Variants in BUB1B observed in about 807,000 individuals in gnomAD.
BUB1B encodes the protein mitotic checkpoint serine/threonine-protein kinase BUB1 beta.
BUB1B carries 86 observed loss-of-function variants against 137.7 expected under a neutral mutation model. The observed-to-expected ratio is 0.62, with a 90% CI of 0.52 to 0.75. The LOEUF (loss-of-function observed/expected upper bound fraction) is 0.75, where lower values mean the gene tolerates loss of function less well. BUB1B is among the 30% of genes least tolerant of loss of function. The probability of loss-of-function intolerance (pLI) is 0.00; values close to 1 mark genes in which losing one functional copy is unlikely to be tolerated. For missense variants in BUB1B, 1,130 were observed against 1,236.9 expected (o/e 0.91, Z 1.30); for synonymous variants, 420 against 417.9 (o/e 1.00, Z -0.06).
At chr15:40,180,656 T>C (rs2037279610) in intron 5 of BUB1B, among the ~76,000 whole-genome samples, 2 of 133,684 alleles carry the variant, frequency 1.5e-5, no homozygotes, top group Non-Finnish European at 3.2e-5. Flanking sequence ...TTTTTTTTTT[T>C]TTTTTTTTTT....
chr15:40,204,710 C>T (rs2037615509), intron 14 of BUB1B, among the ~76,000 whole-genome samples: 1 of 151,904 alleles, frequency 6.6e-6, no homozygotes, highest in Non-Finnish European at 1.5e-5. Flanking sequence ...GATCTCAGCT[C>T]ACTGCAGCCT....
intron 4 of BUB1B, among the ~76,000 whole-genome samples, chr15:40,176,066 A>G (rs1275462837): frequency 6.6e-6 from 1 of 152,128 alleles, no homozygotes; most frequent in Non-Finnish European, 1.5e-5. Flanking sequence ...CTCCTGCCCC[A>G]GCCTCCTGGG....
rs148432235 is a variant in BUB1B at position 40,213,221 on chromosome 15, G to A, written c.2536-111G>A. Reference sequence around the variant, plus strand: ...AGACTCAGTCTACAGAGGTGCCTACGTTCCAGTAGAGAACAAGGAAGACTA... The same window carrying A: ...AGACTCAGTCTACAGAGGTGCCTACATTCCAGTAGAGAACAAGGAAGACTA... On this transcript the variant is annotated intron_variant, in intron 19 of 22. Coordinates refer to ENST00000287598, the MANE Select transcript of BUB1B (RefSeq NM_001211.6). The A allele has an allele frequency of 1.5e-4, 180 of 1,189,160 alleles. No homozygotes were observed. In the East Asian group the frequency reaches 3.8e-3, roughly 25 times the overall value. The allele number at this position is 1,189,160 out of a possible 1,614,324, so 73.7% of individuals were successfully genotyped here.
At chr15:40,211,600 A>C (rs943863170) in intron 18 of BUB1B, among the ~76,000 whole-genome samples, 46 of 152,190 alleles carry the variant, frequency 3.0e-4, no homozygotes, top group African/African-American at 1.1e-3. Context: ...AGGGAGGTGC[A>C]TCTTAACTGC....
At chr15:40,205,847 G>T (rs1297859038) in intron 14 of BUB1B, among the ~76,000 whole-genome samples, 2 of 152,162 alleles carry the variant, frequency 1.3e-5, no homozygotes, top group East Asian at 3.8e-4. Context: ...CATAGAGGAA[G>T]AAGACCTAAA....
intron 20 of BUB1B, among the ~76,000 whole-genome samples, chr15:40,214,086 T>G (rs547198420): frequency 1.3e-5 from 2 of 152,348 alleles, no homozygotes; most frequent in South Asian, 4.1e-4. Context: ...TAGTCATTCT[T>G]TGAGTGGGAC....
intron 20 of BUB1B, among the ~76,000 whole-genome samples, chr15:40,216,505 T>TTA (rs2037785188): frequency 6.8e-6 from 1 of 147,974 alleles, no homozygotes; most frequent in South Asian, 2.1e-4. Context: ...TATGTATATT[T>TTA]TATATATATC....
At chr15:40,209,825 AG>A in intron 17 of BUB1B, 50 bp downstream of exon 17, 3 of 1,606,188 alleles carry the variant, frequency 1.9e-6, no homozygotes, top group Non-Finnish European at 1.7e-6. Flanking sequence ...TATACAAATA[AG>A]TGATTATTTG....
At chr15:40,208,183 AATT>A (rs2037661294) in intron 15 of BUB1B, among the ~76,000 whole-genome samples, 1 of 152,040 alleles carries the variant, frequency 6.6e-6, no homozygotes, top group Non-Finnish European at 1.5e-5. Context: ...ACAAATTATA[AATT>A]ATTTAAACCT....
chr15:40,208,796 A>C (rs1446473035), intron 16 of BUB1B, 26 bp downstream of exon 16: 1 of 1,587,618 alleles, frequency 6.3e-7, no homozygotes, highest in Non-Finnish European at 8.6e-7. Flanking sequence ...CACTATATCC[A>C]TGCCTAGTGA....
chr15:40,208,854 A>C lies in BUB1B; in HGVS notation c.2143+84A>C, dbSNP rs1034160147. ...TGAGCTGTATGTTTTTCTTTTTTTGAGACAGGGTCTCACTCTGTCACCCAG... is the reference window on the plus strand; with the variant it reads ...TGAGCTGTATGTTTTTCTTTTTTTGCGACAGGGTCTCACTCTGTCACCCAG... On this transcript the variant is annotated intron_variant, in intron 16 of 22. Coordinates refer to ENST00000287598, the MANE Select transcript of BUB1B (RefSeq NM_001211.6). The C allele has an allele frequency of 6.5e-5, 91 of 1,405,532 alleles. 1 individual carries two copies. The highest frequency in any genetic ancestry group is 8.7e-5 in the Non-Finnish European group (87 of 1,005,404). The allele number at this position is 1,405,532 out of a possible 1,614,324, so 87.1% of individuals were successfully genotyped here.
Position 40,210,199 on chromosome 15 carries a change from A to G in BUB1B, c.2374A>G (p.Thr792Ala). 9.4e-6 allele frequency: 15 copies of G among 1,599,770 alleles called. No homozygotes were observed. The highest frequency in any genetic ancestry group is 1.2e-5 in the Non-Finnish European group (14 of 1,167,188). Reference sequence around the variant, plus strand: ...GGCGCCAAGAAACTCTGCAGAATTAACAGTAATAAAGGTGGGACTGATTCT... The same window carrying G: ...GGCGCCAAGAAACTCTGCAGAATTAGCAGTAATAAAGGTGGGACTGATTCT... ...WVAPRNSAEL[T>A]VIKVSSQPVP... Residue 792 changes from threonine (T) to alanine (A), a missense_variant, in exon 18 of 23, where the codon ACA becomes GCA. Coordinates refer to ENST00000287598, the MANE Select transcript of BUB1B (RefSeq NM_001211.6).
At chr15:40,215,352 A>G (rs1426085019) in intron 20 of BUB1B, among the ~76,000 whole-genome samples, 2 of 152,054 alleles carry the variant, frequency 1.3e-5, no homozygotes. Flanking sequence ...CATGCCTGTA[A>G]TCCCAGCTAC....
chr15:40,198,437 C>T (rs191445834), intron 9 of BUB1B, among the ~76,000 whole-genome samples: 1 of 152,210 alleles, frequency 6.6e-6, no homozygotes, highest in African/African-American at 2.4e-5. Context: ...AAATTCCCAT[C>T]TGTGTATAAG....
At position 40,220,863 on chromosome 15, in the gene BUB1B, C is replaced by T. The variant is rs2037895456; in HGVS notation, c.*104C>T. 5 of 1,211,578 alleles carry T rather than the reference C, an allele frequency of 4.1e-6. No individual in the cohort carries two copies. The highest frequency in any genetic ancestry group is 6.1e-6 in the Non-Finnish European group (5 of 823,648). 75.1% of individuals were successfully genotyped at this position (1,211,578 alleles called of 1,614,324 possible). On this transcript the variant is annotated 3_prime_UTR_variant, in exon 23 of 23. Coordinates refer to ENST00000287598, the MANE Select transcript of BUB1B (RefSeq NM_001211.6). ...ATTTAATTTAGGACACATTTAGATG[C>T]ACTACCATTGCTGTTCTACTTTTTG...
chr15:40,180,642 C>CTTTTTTTTT (rs71132149), intron 5 of BUB1B, among the ~76,000 whole-genome samples: 2 of 65,836 alleles, frequency 3.0e-5, no homozygotes, highest in Non-Finnish European at 2.7e-5. Context: ...TTTTCTTTTT[C>CTTTTTTTTT]TTTTTTTTTT....
chr15:40,190,970 C>T (rs2140894985), intron 8 of BUB1B, among the ~76,000 whole-genome samples: 1 of 152,020 alleles, frequency 6.6e-6, no homozygotes, highest in Non-Finnish European at 1.5e-5. Flanking sequence ...TCACTGCAAC[C>T]TCAGCTTCCC....
At chr15:40,197,125 A>T (rs1285650104) in intron 9 of BUB1B, among the ~76,000 whole-genome samples, 3 of 152,198 alleles carry the variant, frequency 2.0e-5, no homozygotes, top group Non-Finnish European at 4.4e-5. Context: ...ATATATGTAC[A>T]TTCCATGCAT....
At chr15:40,187,717 T>TG in intron 8 of BUB1B, among the ~76,000 whole-genome samples, 1 of 152,250 alleles carries the variant, frequency 6.6e-6, no homozygotes, top group African/African-American at 2.4e-5. Context: ...AAGACCAGCC[T>TG]GGGCAACACA....
Sources: allele counts gnomAD v4.1 joint callset (sites outside exome capture counted in the v4.1 genomes callset), GRCh38; gene constraint gnomAD v4.1.1; transcripts MANE v1.5; gene names NCBI Gene and HGNC (gene_info 2026-07-23, HGNC 2026-07-21).